Variants in ENTREP2 observed in about 807,000 individuals in gnomAD.
The protein encoded by ENTREP2 is endosomal transmembrane epsin interactor 2, also known as protein ENTREP2.
the ENTREP2 span, among the ~76,000 whole-genome samples, chr15:29,218,397 A>T: frequency 3.3e-5 from 5 of 152,190 alleles, no homozygotes; most frequent in Non-Finnish European, 7.3e-5. Context: ...GGCCAAAAGC[A>T]ATCTACAAAT....
At chr15:29,538,558 G>T in the ENTREP2 span, among the ~76,000 whole-genome samples, 1 of 151,076 alleles carries the variant, frequency 6.6e-6, no homozygotes, top group Admixed American at 6.6e-5. Flanking sequence ...ACTTTGGGAG[G>T]CTGAGGCGGG....
chr15:29,522,892 T>C, the ENTREP2 span, among the ~76,000 whole-genome samples: 1 of 152,070 alleles, frequency 6.6e-6, no homozygotes, highest in East Asian at 1.9e-4. Flanking sequence ...CTAGAGGTGG[T>C]GGTTAACAAA....
the ENTREP2 span, among the ~76,000 whole-genome samples, chr15:29,591,520 G>A: frequency 6.6e-6 from 1 of 152,080 alleles, no homozygotes; most frequent in Non-Finnish European, 1.5e-5. Context: ...TCTTTATTTT[G>A]AAATAGGATC....
chr15:29,422,950 A>G, the ENTREP2 span, among the ~76,000 whole-genome samples: 2 of 152,244 alleles, frequency 1.3e-5, no homozygotes, highest in African/African-American at 2.4e-5. Flanking sequence ...TGCAGAATCC[A>G]ATGTATAATT....
At chr15:29,166,862 A>G in the ENTREP2 span, among the ~76,000 whole-genome samples, 2 of 152,160 alleles carry the variant, frequency 1.3e-5, no homozygotes, top group Non-Finnish European at 2.9e-5. Flanking sequence ...CACATAGCCA[A>G]AGCAAGACGA....
At chr15:29,203,370 C>T in the ENTREP2 span, among the ~76,000 whole-genome samples, 1 of 152,166 alleles carries the variant, frequency 6.6e-6, no homozygotes, top group Non-Finnish European at 1.5e-5. Flanking sequence ...CCACTGCACT[C>T]CAGCCTGTGT....
At chr15:29,402,933 A>G in the ENTREP2 span, among the ~76,000 whole-genome samples, 1 of 152,116 alleles carries the variant, frequency 6.6e-6, no homozygotes, top group African/African-American at 2.4e-5. Flanking sequence ...ACTCCCTCTA[A>G]TGTTCCCATC....
At chr15:29,400,223 T>C in the ENTREP2 span, among the ~76,000 whole-genome samples, 1 of 152,094 alleles carries the variant, frequency 6.6e-6, no homozygotes, top group Non-Finnish European at 1.5e-5. Flanking sequence ...TCTTAAACTA[T>C]AGACAAACAG....
At chr15:29,466,904 CAGCCCCCAGGGTAG>C in the ENTREP2 span, among the ~76,000 whole-genome samples, 2 of 119,528 alleles carry the variant, frequency 1.7e-5, no homozygotes, top group African/African-American at 6.5e-5. Context: ...GAAGATGCTG[CAGCCCCCAGGGTAG>C]GGCCCAGGGG....
chr15:29,523,093 G>A, the ENTREP2 span, among the ~76,000 whole-genome samples: 2 of 152,214 alleles, frequency 1.3e-5, no homozygotes, highest in Non-Finnish European at 2.9e-5. Context: ...ATCTCCGACT[G>A]ACCTTGAGGC....
chr15:29,132,143 C>A, the ENTREP2 span, among the ~76,000 whole-genome samples: 1 of 151,762 alleles, frequency 6.6e-6, no homozygotes, highest in Admixed American at 6.5e-5. Context: ...AGGGCACTTT[C>A]TACGCCATTT....
At chr15:29,290,917 C>G in the ENTREP2 span, among the ~76,000 whole-genome samples, 1 of 152,208 alleles carries the variant, frequency 6.6e-6, no homozygotes, top group Non-Finnish European at 1.5e-5. Context: ...CTCACTTAAT[C>G]CCAAGTGACT....
the ENTREP2 span, among the ~76,000 whole-genome samples, chr15:29,179,302 C>G: frequency 6.6e-6 from 1 of 152,218 alleles, no homozygotes; most frequent in African/African-American, 2.4e-5. Flanking sequence ...AGTATAGGAG[C>G]CATGTGCAAA....
chr15:29,407,248 G>C, the ENTREP2 span, among the ~76,000 whole-genome samples: 4 of 152,268 alleles, frequency 2.6e-5, no homozygotes, highest in South Asian at 8.3e-4. Flanking sequence ...TAATACAATG[G>C]TGAGTACTTT....
chr15:29,395,588 C>T, the ENTREP2 span, among the ~76,000 whole-genome samples: 9 of 150,190 alleles, frequency 6.0e-5, no homozygotes, highest in East Asian at 3.9e-4. Context: ...AGTGCAGTGA[C>T]GTGATCACAG....
chr15:29,651,198 G>A, the ENTREP2 span, among the ~76,000 whole-genome samples: 1 of 152,186 alleles, frequency 6.6e-6, no homozygotes, highest in African/African-American at 2.4e-5. Flanking sequence ...ATTGATTGGA[G>A]CTTGCTTCAG....
At chr15:29,649,213 C>A in the ENTREP2 span, among the ~76,000 whole-genome samples, 1 of 152,040 alleles carries the variant, frequency 6.6e-6, no homozygotes, top group Non-Finnish European at 1.5e-5. Context: ...AGCACTGATG[C>A]TCTCAAAAGA....
At chr15:29,381,665 C>T in the ENTREP2 span, 14 of 853,756 alleles carry the variant, frequency 1.6e-5, no homozygotes, top group African/African-American at 8.5e-5. Context: ...CTCTGCTTCC[C>T]GCTGCCTGAA....
the ENTREP2 span, among the ~76,000 whole-genome samples, chr15:29,542,097 C>T: frequency 6.6e-6 from 1 of 152,164 alleles, no homozygotes; most frequent in Non-Finnish European, 1.5e-5. Context: ...CAACCTCTGC[C>T]TCCCAGGTTC....
Sources: allele counts gnomAD v4.1 joint callset (sites outside exome capture counted in the v4.1 genomes callset), GRCh38; gene constraint gnomAD v4.1.1; transcripts MANE v1.5; gene names NCBI Gene and HGNC (gene_info 2026-07-23, HGNC 2026-07-21).